The following FAM83B variants were observed in gnomAD, a reference collection of about 807,000 sequenced individuals.
The protein encoded by FAM83B is scaffolding CK1 anchoring protein B, also known as protein FAM83B.
FAM83B carries 26 observed loss-of-function variants against 38.8 expected under a neutral mutation model. The ratio of observed to expected loss-of-function variants is 0.67; its 90% CI spans 0.49 to 0.93. FAM83B has a LOEUF of 0.93. FAM83B is among the 40% of genes least tolerant of loss of function. The pLI, the probability that FAM83B is intolerant of heterozygous loss-of-function variation, is 0.00. For synonymous variants in FAM83B, 419 were observed against 423.1 expected, an observed-to-expected ratio of 0.99 and a Z score of 0.12; for missense variants, 1,237 against 1,197.3, an observed-to-expected ratio of 1.03 and a Z score of -0.49.
At chr6:54,939,070 T>G (rs1773593663) in intron 4 of FAM83B, among the ~76,000 whole-genome samples, 1 of 152,194 alleles carries the variant, frequency 6.6e-6, no homozygotes, top group African/African-American at 2.4e-5. Context: ...GTTTCATTCT[T>G]CTACATGTGG....
rs757251607 is a variant in FAM83B, at chr6:54,941,389, A to G, written c.2418A>G (p.Thr806=). Residue 806 remains threonine (T), a synonymous_variant, in exon 5 of 5, where the codon ACA becomes ACG. Transcript: ENST00000306858. ...AFYRLCSSSD[T]LVSEGEENQK... ...ATAGATTGTGTAGTAGCTCTGACAC[A>G]TTAGTTTCTGAGGGTGAAGAAAATC... 5 of 1,613,252 alleles carry G rather than the reference A, an allele frequency of 3.1e-6. No individual in the cohort carries two copies. The African/African-American group carries it at 4.0e-5, about 13-fold the overall frequency.
At chr6:54,871,909 C>T (rs1771865129) in intron 2 of FAM83B, among the ~76,000 whole-genome samples, 1 of 151,888 alleles carries the variant, frequency 6.6e-6, no homozygotes, top group African/African-American at 2.4e-5. Flanking sequence ...GCCAATAAGA[C>T]ACAGAAATGC....
At position 54,944,339 on chromosome 6, in the gene FAM83B, GT is replaced by G. The variant is rs1474748908; in HGVS notation, c.*2335del. 1 of 152,122 alleles carries G rather than the reference GT, an allele frequency of 6.6e-6. No individual in the cohort carries two copies. The highest frequency in any genetic ancestry group is 1.5e-5 in the Non-Finnish European group (1 of 68,002). The allele number at this position is 152,122 out of a possible 1,614,324, so 9.4% of individuals were successfully genotyped here. Reference sequence around the variant, plus strand: ...CACTTTGATGTACATTGATATTAAAGTTTGGTAATGCAGCTTTTACTGTCTA... The same window carrying G: ...CACTTTGATGTACATTGATATTAAAGTTGGTAATGCAGCTTTTACTGTCTA... On this transcript the variant is annotated 3_prime_UTR_variant, in exon 5 of 5. Coordinates refer to ENST00000306858, the MANE Select transcript of FAM83B (RefSeq NM_001010872.3).
chr6:54,860,778 G>A (rs1471575686), intron 1 of FAM83B, among the ~76,000 whole-genome samples: 2 of 152,148 alleles, frequency 1.3e-5, no homozygotes, highest in Non-Finnish European at 2.9e-5. Context: ...CCCCATATAC[G>A]AAAATTAATT....
At chr6:54,858,914 C>G (rs912388598) in intron 1 of FAM83B, among the ~76,000 whole-genome samples, 1 of 152,160 alleles carries the variant, frequency 6.6e-6, no homozygotes, top group Non-Finnish European at 1.5e-5. Context: ...CAGCGCATTT[C>G]TGGTTATTCT....
At chr6:54,906,678 C>A (rs941609367) in intron 2 of FAM83B, among the ~76,000 whole-genome samples, 3 of 152,228 alleles carry the variant, frequency 2.0e-5, no homozygotes, top group Non-Finnish European at 4.4e-5. Flanking sequence ...ACCACCATGT[C>A]TGGCCGAGAA....
At chr6:54,853,449 A>G (rs1190541558) in intron 1 of FAM83B, among the ~76,000 whole-genome samples, 1 of 152,130 alleles carries the variant, frequency 6.6e-6, no homozygotes, top group Non-Finnish European at 1.5e-5. Context: ...TTTAGGGGTT[A>G]ATACAGCTGG....
chr6:54,848,583 T>A (rs370917167), intron 1 of FAM83B, among the ~76,000 whole-genome samples: 1 of 152,232 alleles, frequency 6.6e-6, no homozygotes, highest in African/African-American at 2.4e-5. Context: ...TTTATTAATC[T>A]TTCTATTTTA....
At chr6:54,880,767 G>T (rs1053815197) in intron 2 of FAM83B, among the ~76,000 whole-genome samples, 8 of 151,888 alleles carry the variant, frequency 5.3e-5, no homozygotes, top group Non-Finnish European at 1.0e-4. Context: ...TATTATTAGG[G>T]TACATACATT....
At chr6:54,918,666 C>T (rs192338543) in intron 2 of FAM83B, among the ~76,000 whole-genome samples, 1 of 152,172 alleles carries the variant, frequency 6.6e-6, no homozygotes, top group Non-Finnish European at 1.5e-5. Context: ...CCCACCAAGT[C>T]CCTCCCACAA....
At chr6:54,847,228 A>G (rs1339530867) in intron 1 of FAM83B, among the ~76,000 whole-genome samples, 1 of 143,766 alleles carries the variant, frequency 7.0e-6, no homozygotes, top group Non-Finnish European at 1.5e-5. Context: ...CCGCTGGGAA[A>G]AGTCTCGTGG....
chr6:54,939,957 T>G lies in FAM83B; in HGVS notation c.986T>G (p.Ile329Ser). The change falls in exon 5 of 5, where the codon ATT (isoleucine) becomes AGT (serine). Residue 329 changes from isoleucine to serine, a missense_variant. Transcript: ENST00000306858. ...AACCTTTTTGGTAGACAAGACAAGA[T>G]TCATAAACTAGATTCCAGTTACTTC... ...QRNLFGRQDK[I>S]HKLDSSYFKN... is the part of the protein sequence containing the mutation. 2 of 1,614,070 alleles carry G rather than the reference T, an allele frequency of 1.2e-6. No individual in the cohort carries two copies.
At chr6:54,936,108 T>C (rs547988846) in intron 4 of FAM83B, among the ~76,000 whole-genome samples, 3 of 152,136 alleles carry the variant, frequency 2.0e-5, no homozygotes, top group Non-Finnish European at 4.4e-5. Context: ...CCTACGATAA[T>C]AGAGGAATAC....
chr6:54,853,434 G>T (rs1162049286), intron 1 of FAM83B, among the ~76,000 whole-genome samples: 1 of 152,142 alleles, frequency 6.6e-6, no homozygotes, highest in Non-Finnish European at 1.5e-5. Context: ...TAGGCTGACT[G>T]ACTTTTTAGG....
At chr6:54,914,007 T>C (rs901680528) in intron 2 of FAM83B, among the ~76,000 whole-genome samples, 11 of 152,228 alleles carry the variant, frequency 7.2e-5, no homozygotes, top group African/African-American at 2.6e-4. Context: ...GATCTTTTCC[T>C]GATTGTTACC....
At chr6:54,876,248 A>T in intron 2 of FAM83B, among the ~76,000 whole-genome samples, 1 of 147,906 alleles carries the variant, frequency 6.8e-6, no homozygotes, top group South Asian at 2.1e-4. Flanking sequence ...TTGGAAAGAA[A>T]TAATTTAAAA....
At chr6:54,934,261 G>A (rs367963466) in intron 4 of FAM83B, among the ~76,000 whole-genome samples, 2 of 152,044 alleles carry the variant, frequency 1.3e-5, no homozygotes, top group Non-Finnish European at 1.5e-5. Context: ...AAGCTCTTAA[G>A]CTTTATAAGC....
Position 54,870,705 on chromosome 6 carries a change from A to C in FAM83B, c.444+15A>C, listed in dbSNP as rs1486897221. The stretch of plus-strand genomic sequence containing the variant: ...AAGCAAGAAAGGTAATAACATTTCT[A>C]TTTTGAAATGAAAAATTTGAAACAT... On this transcript the variant is annotated intron_variant, in intron 2 of 4. Transcript: ENST00000306858. 6.4e-7 allele frequency: 1 copy of C among 1,559,554 alleles called. No homozygotes were observed. Among genetic ancestry groups the C allele is most frequent in the South Asian group, 1.2e-5 (1 of 82,716 alleles).
Position 54,926,472 on chromosome 6 carries a change from G to A in FAM83B, c.546G>A (p.Glu182=), listed in dbSNP as rs1474058202. The change falls in exon 3 of 5, where the codon GAG becomes GAA. Residue 182 remains glutamate, a synonymous_variant. Transcript: ENST00000306858. ...TATCTGTTTACATTCTGCTTGATGAGTCCAATTTTAATCATTTTCTAAATA... is the reference window on the plus strand; with the variant it reads ...TATCTGTTTACATTCTGCTTGATGAATCCAATTTTAATCATTTTCTAAATA... ...RGVSVYILLD[E]SNFNHFLNMT... is the part of the protein sequence containing the mutation. 7 of 1,610,142 alleles carry A rather than the reference G, an allele frequency of 4.3e-6. No homozygotes were observed. The highest frequency in any genetic ancestry group is 1.7e-4 in the Middle Eastern group (1 of 6,060).
Sources: gnomAD v4.1 joint callset for allele counts (sites outside exome capture counted in the v4.1 genomes callset) on GRCh38, gnomAD v4.1.1 for gene constraint, MANE v1.5 for transcripts, NCBI Gene and HGNC (gene_info 2026-07-23, HGNC 2026-07-21) for gene names.